Variants in PGCKA1 observed in about 807,000 individuals in gnomAD.
The protein encoded by PGCKA1 is PDCD10 and GCKIII kinases associated 1.
At chr4:37,516,954 G>T in the PGCKA1 span, among the ~76,000 whole-genome samples, 1 of 152,056 alleles carries the variant, frequency 6.6e-6, no homozygotes, top group Admixed American at 6.6e-5. Flanking sequence ...TTATAATCTA[G>T]CCATTAAAAA....
chr4:37,583,582 G>A, the PGCKA1 span, among the ~76,000 whole-genome samples: 8,478 of 151,992 alleles, frequency 0.056, 337 homozygotes, highest in Non-Finnish European at 0.078. Context: ...GACTACAGGC[G>A]CCCACCACCA....
At chr4:37,547,401 G>A in the PGCKA1 span, among the ~76,000 whole-genome samples, 1 of 152,228 alleles carries the variant, frequency 6.6e-6, no homozygotes, top group East Asian at 1.9e-4. Context: ...TGCATGTGGT[G>A]TGAGTGTGGT....
the PGCKA1 span, among the ~76,000 whole-genome samples, chr4:37,513,043 A>G: frequency 5.1e-4 from 77 of 151,672 alleles, no homozygotes; most frequent in Middle Eastern, 3.4e-3. Flanking sequence ...AGCCAAGGTC[A>G]TGCCAATTGC....
At chr4:37,517,416 G>T in the PGCKA1 span, among the ~76,000 whole-genome samples, 1 of 151,638 alleles carries the variant, frequency 6.6e-6, no homozygotes, top group African/African-American at 2.4e-5. Flanking sequence ...GATTATTGGG[G>T]ACTGTGTTTC....
At chr4:37,485,443 G>A in the PGCKA1 span, among the ~76,000 whole-genome samples, 1 of 152,118 alleles carries the variant, frequency 6.6e-6, no homozygotes, top group Non-Finnish European at 1.5e-5. Context: ...CTCTGTCACA[G>A]GTGCTCTCTT....
the PGCKA1 span, among the ~76,000 whole-genome samples, chr4:37,552,334 AAAGGGACAG>A: frequency 6.6e-6 from 1 of 152,194 alleles, no homozygotes; most frequent in East Asian, 1.9e-4. Flanking sequence ...TGAGCCCTTA[AAAGGGACAG>A]AAATTGTGCA....
the PGCKA1 span, among the ~76,000 whole-genome samples, chr4:37,471,250 G>A: frequency 2.6e-5 from 4 of 152,186 alleles, no homozygotes; most frequent in Non-Finnish European, 5.9e-5. Context: ...ATTGGTTACA[G>A]CTAGGTATTT....
chr4:37,513,810 A>G, the PGCKA1 span, among the ~76,000 whole-genome samples: 1 of 152,196 alleles, frequency 6.6e-6, no homozygotes, highest in African/African-American at 2.4e-5. Context: ...ATTTGAGGAA[A>G]ATGTCCTGAT....
At chr4:37,474,644 A>G in the PGCKA1 span, among the ~76,000 whole-genome samples, 4 of 152,216 alleles carry the variant, frequency 2.6e-5, no homozygotes, top group East Asian at 5.8e-4. Flanking sequence ...ACATTCATTG[A>G]GCACCTACTA....
At chr4:37,544,089 GT>G in the PGCKA1 span, among the ~76,000 whole-genome samples, 1 of 152,122 alleles carries the variant, frequency 6.6e-6, no homozygotes, top group African/African-American at 2.4e-5. Flanking sequence ...GATGATAAAC[GT>G]TTTGAGACCT....
the PGCKA1 span, among the ~76,000 whole-genome samples, chr4:37,589,879 G>C: frequency 1.3e-5 from 2 of 152,188 alleles, no homozygotes; most frequent in Non-Finnish European, 2.9e-5. Flanking sequence ...TGATCCACCC[G>C]CCTTGGCCAC....
At chr4:37,464,152 G>A in the PGCKA1 span, among the ~76,000 whole-genome samples, 1 of 152,216 alleles carries the variant, frequency 6.6e-6, no homozygotes, top group South Asian at 2.1e-4. Flanking sequence ...GAAAGAAACT[G>A]GGTGTGGGGG....
At chr4:37,490,457 G>A in the PGCKA1 span, among the ~76,000 whole-genome samples, 1 of 152,158 alleles carries the variant, frequency 6.6e-6, no homozygotes, top group Non-Finnish European at 1.5e-5. Flanking sequence ...ACCAAGAAGA[G>A]CGTTGACTTT....
chr4:37,471,746 G>A, the PGCKA1 span, among the ~76,000 whole-genome samples: 3 of 152,312 alleles, frequency 2.0e-5, no homozygotes, highest in East Asian at 5.8e-4. Flanking sequence ...AGGCTTTTCA[G>A]AGAAAGTGAA....
chr4:37,470,004 G>T, the PGCKA1 span, among the ~76,000 whole-genome samples: 1 of 152,030 alleles, frequency 6.6e-6, no homozygotes, highest in Non-Finnish European at 1.5e-5. Context: ...ATAAACATTG[G>T]GACATTTTGA....
At chr4:37,524,669 G>A in the PGCKA1 span, among the ~76,000 whole-genome samples, 1 of 152,156 alleles carries the variant, frequency 6.6e-6, no homozygotes, top group Non-Finnish European at 1.5e-5. Context: ...GCCCACTTGG[G>A]GTACTTAATA....
At chr4:37,526,410 T>C in the PGCKA1 span, among the ~76,000 whole-genome samples, 1 of 152,244 alleles carries the variant, frequency 6.6e-6, no homozygotes, top group South Asian at 2.1e-4. Context: ...AGTACCTCAG[T>C]GGACTACAAA....
chr4:37,565,334 C>T, the PGCKA1 span, among the ~76,000 whole-genome samples: 1 of 152,192 alleles, frequency 6.6e-6, no homozygotes, highest in Non-Finnish European at 1.5e-5. Context: ...TGTGGCTTAC[C>T]TTTCCCTCCC....
the PGCKA1 span, chr4:37,590,572 G>A: frequency 3.7e-6 from 6 of 1,614,184 alleles, no homozygotes. Context: ...AGAAAGTTTT[G>A]CCTTGGAAGT....
Sources: allele counts gnomAD v4.1 joint callset (sites outside exome capture counted in the v4.1 genomes callset), GRCh38; gene constraint gnomAD v4.1.1; transcripts MANE v1.5; gene names NCBI Gene and HGNC (gene_info 2026-07-23, HGNC 2026-07-21).